The following MGAT5 variants were observed in gnomAD, a reference collection of about 807,000 sequenced individuals.
MGAT5 encodes the protein alpha-1,6-mannosylglycoprotein 6-beta-N-acetylglucosaminyltransferase A.
In MGAT5, 30 loss-of-function variants were observed where a neutral mutation model predicts 94.3. The observed-to-expected ratio is 0.32, with a 90% CI of 0.24 to 0.43. The LOEUF is 0.43. Ranked by LOEUF, MGAT5 falls within the 20% of genes least tolerant of loss-of-function variation. MGAT5 has a pLI of 1.00. For missense variants in MGAT5, 691 were observed against 905.5 expected, an observed-to-expected ratio of 0.76 and a Z score of 3.04; for synonymous variants, 310 against 322.9, an observed-to-expected ratio of 0.96 and a Z score of 0.43.
At chr2:134,223,909 T>C (rs1458900127) in intron 1 of MGAT5, among the ~76,000 whole-genome samples, 1 of 152,220 alleles carries the variant, frequency 6.6e-6, no homozygotes, top group Non-Finnish European at 1.5e-5. Context: ...AAACTGTTAT[T>C]GAACTTATAC....
chr2:134,364,713 G>A (rs72980018), intron 10 of MGAT5, among the ~76,000 whole-genome samples: 3 of 152,052 alleles, frequency 2.0e-5, no homozygotes, highest in African/African-American at 7.3e-5. Context: ...AAAATCCTGG[G>A]TGTTATTTCA....
intron 1 of MGAT5, among the ~76,000 whole-genome samples, chr2:134,171,035 A>G (rs1688178532): frequency 6.6e-6 from 1 of 151,852 alleles, no homozygotes; most frequent in African/African-American, 2.4e-5. Flanking sequence ...TAATTTTTGT[A>G]TTTTTAGTAG....
At chr2:134,190,451 C>T (rs1021250780) in intron 1 of MGAT5, among the ~76,000 whole-genome samples, 4 of 152,154 alleles carry the variant, frequency 2.6e-5, no homozygotes, top group African/African-American at 7.2e-5. Context: ...TGAATGTTCC[C>T]GGGAGTATTT....
At chr2:134,152,749 GTA>G (rs1687283575) in intron 1 of MGAT5, among the ~76,000 whole-genome samples, 1 of 152,174 alleles carries the variant, frequency 6.6e-6, no homozygotes, top group Non-Finnish European at 1.5e-5. Context: ...TAAAAGAAAA[GTA>G]TGAATCGTTC....
chr2:134,452,910 A>AG lies in MGAT5; in HGVS notation c.*4064dup, dbSNP rs1476386836. 2 of 152,226 alleles carry AG rather than the reference A, an allele frequency of 1.3e-5. No homozygotes were observed. Among genetic ancestry groups the AG allele is most frequent in the East Asian group, 1.9e-4 (1 of 5,200 alleles). The allele number at this position is 152,226 out of a possible 1,614,324, so 9.4% of individuals were successfully genotyped here. On this transcript the variant is annotated 3_prime_UTR_variant, in exon 16 of 16. Transcript: ENST00000281923. The stretch of plus-strand genomic sequence containing the variant: ...TGGGAGTTTCGTGAAGCTGAGGGTG[A>AG]GTTCCTGTGATTCTTGTTCGCTTCA...
intron 9 of MGAT5, among the ~76,000 whole-genome samples, chr2:134,352,279 T>C (rs1182651693): frequency 1.3e-5 from 2 of 152,146 alleles, no homozygotes; most frequent in African/African-American, 4.8e-5. Context: ...CTAGTTGTAA[T>C]AGGAAGCAAC....
At chr2:134,140,670 C>T (rs1351411995) in intron 1 of MGAT5, among the ~76,000 whole-genome samples, 1 of 152,208 alleles carries the variant, frequency 6.6e-6, no homozygotes. Flanking sequence ...TCCCATTGCT[C>T]CAATAATCGG....
intron 9 of MGAT5, among the ~76,000 whole-genome samples, chr2:134,359,127 AAAT>A (rs2106098087): frequency 6.6e-6 from 1 of 152,302 alleles, no homozygotes; most frequent in African/African-American, 2.4e-5. Flanking sequence ...GCATGTGAAA[AAAT>A]CTGTGTGGTC....
chr2:134,177,684 T>A (rs1336185005), intron 1 of MGAT5, among the ~76,000 whole-genome samples: 1 of 152,218 alleles, frequency 6.6e-6, no homozygotes, highest in Non-Finnish European at 1.5e-5. Flanking sequence ...GCATGAAATT[T>A]TTATGCACTG....
chr2:134,415,734 G>A (rs1016609181), intron 12 of MGAT5, among the ~76,000 whole-genome samples: 1 of 151,580 alleles, frequency 6.6e-6, no homozygotes, highest in African/African-American at 2.4e-5. Flanking sequence ...TTTTTTCCTC[G>A]TAGTTGTGCT....
chr2:134,145,573 T>A (rs1280408687), intron 1 of MGAT5, among the ~76,000 whole-genome samples: 1 of 152,160 alleles, frequency 6.6e-6, no homozygotes, highest in African/African-American at 2.4e-5. Flanking sequence ...GATGCAATTT[T>A]CCTGAGCCTT....
chr2:134,155,391 G>T (rs1336437036), intron 1 of MGAT5, among the ~76,000 whole-genome samples: 1 of 152,234 alleles, frequency 6.6e-6, no homozygotes, highest in Non-Finnish European at 1.5e-5. Flanking sequence ...TGAGAGCTTG[G>T]TTTCTGAAGT....
intron 13 of MGAT5, among the ~76,000 whole-genome samples, chr2:134,426,511 C>T (rs78362645): frequency 0.023 from 3,489 of 152,298 alleles, 85 homozygotes; most frequent in East Asian, 0.15. Context: ...CCTAACATAA[C>T]TAAATCTGTT....
At chr2:134,193,125 ATT>A (rs1161424806) in intron 1 of MGAT5, among the ~76,000 whole-genome samples, 9 of 131,222 alleles carry the variant, frequency 6.9e-5, no homozygotes, top group Non-Finnish European at 1.3e-4. Flanking sequence ...TTTATTTTTT[ATT>A]TTTTTTTTTT....
At chr2:134,325,338 A>G (rs746744335) in intron 4 of MGAT5, among the ~76,000 whole-genome samples, 3 of 152,100 alleles carry the variant, frequency 2.0e-5, no homozygotes, top group Non-Finnish European at 2.9e-5. Flanking sequence ...TGTAATTTCT[A>G]TTGTATGACC....
At chr2:134,247,029 A>G (rs1400618003) in intron 1 of MGAT5, among the ~76,000 whole-genome samples, 1 of 152,230 alleles carries the variant, frequency 6.6e-6, no homozygotes, top group Non-Finnish European at 1.5e-5. Context: ...GTTAGCACCC[A>G]GTTGATTTCT....
intron 1 of MGAT5, among the ~76,000 whole-genome samples, chr2:134,231,672 G>A (rs1303545173): frequency 6.6e-6 from 1 of 152,202 alleles, no homozygotes; most frequent in African/African-American, 2.4e-5. Flanking sequence ...TAATAGAAAT[G>A]TTAGAAACCC....
intron 2 of MGAT5, among the ~76,000 whole-genome samples, chr2:134,306,443 C>A (rs976443269): frequency 6.6e-6 from 1 of 151,964 alleles, no homozygotes; most frequent in African/African-American, 2.4e-5. Flanking sequence ...TACCTCATAC[C>A]CCACCAAGCA....
Position 134,450,783 on chromosome 2 carries a change from AGT to A in MGAT5, c.*1983_*1984del, listed in dbSNP as rs58666142. The A allele has an allele frequency of 0.16, 21,985 of 136,814 alleles. 1,536 individuals are homozygous for A. Among genetic ancestry groups the A allele is most frequent in the East Asian group, 0.27 (1,217 of 4,518 alleles). 8.5% of individuals were successfully genotyped at this position (136,814 alleles called of 1,614,324 possible). A position where few individuals can be genotyped will look rare whatever the true frequency, so the allele number is the denominator to read the frequency against. Reference sequence around the variant, plus strand: ...AGTCCAAAGGAAACCTTGGTGAGTGAGTGTGTGTGTGTGTGTGTGTGTGTGTG... The same window carrying A: ...AGTCCAAAGGAAACCTTGGTGAGTGAGTGTGTGTGTGTGTGTGTGTGTGTG... On this transcript the variant is annotated 3_prime_UTR_variant, in exon 16 of 16. Transcript: ENST00000281923.
Sources: allele counts gnomAD v4.1 joint callset (sites outside exome capture counted in the v4.1 genomes callset), GRCh38; gene constraint gnomAD v4.1.1; transcripts MANE v1.5; gene names NCBI Gene and HGNC (gene_info 2026-07-23, HGNC 2026-07-21).